Variants in SEMA6D observed in about 807,000 individuals in gnomAD.
The protein encoded by SEMA6D is semaphorin-6D.
Under a neutral mutation model 106.6 loss-of-function variants are expected in SEMA6D, and 35 were observed. That is an observed-to-expected ratio of 0.33 (90% CI 0.25 to 0.44). The LOEUF is 0.44. Ranked by LOEUF, SEMA6D falls within the 20% of genes least tolerant of loss-of-function variation. SEMA6D has a pLI of 1.00. For missense variants in SEMA6D, 1,185 were observed against 1,345.9 expected, an observed-to-expected ratio of 0.88 and a Z score of 1.87; for synonymous variants, 499 against 487.7, an observed-to-expected ratio of 1.02 and a Z score of -0.31.
At chr15:47,212,989 C>T (rs915191327) in intron 1 of SEMA6D, among the ~76,000 whole-genome samples, 3 of 152,194 alleles carry the variant, frequency 2.0e-5, no homozygotes, top group African/African-American at 7.2e-5. Context: ...TATATTCTTC[C>T]TTTCCCTCCT....
intron 2 of SEMA6D, among the ~76,000 whole-genome samples, chr15:47,465,232 A>T (rs533590796): frequency 6.6e-6 from 1 of 152,314 alleles, no homozygotes; most frequent in East Asian, 1.9e-4. Context: ...AATGTGTAAG[A>T]AATATTGAAA....
rs1400632848 is a variant in SEMA6D, at chr15:47,561,411, TAA to T, written c.-86-39452_-86-39451del. ...CCATCCTTCAAAAATGAAGGTGAAA[TAA>T]AGACATTTCTAGATAAACAAAGACT... On this transcript the variant is annotated intron_variant, in intron 3 of 19. Coordinates refer to the SEMA6D transcript ENST00000558014. 2.6e-5 allele frequency among the ~76,000 whole-genome samples: 4 copies of T among 151,898 alleles called. No individual in the cohort carries two copies. The East Asian group carries it at 7.7e-4, about 29-fold the overall frequency.
intron 3 of SEMA6D, among the ~76,000 whole-genome samples, chr15:47,524,835 C>G (rs955857963): frequency 6.6e-6 from 1 of 152,138 alleles, no homozygotes; most frequent in Non-Finnish European, 1.5e-5. Flanking sequence ...TGTTAGGGCC[C>G]TTCCTGAGAC....
intron 1 of SEMA6D, among the ~76,000 whole-genome samples, chr15:47,199,536 T>C (rs1894578386): frequency 6.6e-6 from 1 of 152,204 alleles, no homozygotes; most frequent in Admixed American, 6.6e-5. Context: ...TAAGTGGATA[T>C]GTACATGGGT....
At chr15:47,665,903 T>A (rs2078016937) in intron 4 of SEMA6D, among the ~76,000 whole-genome samples, 1 of 152,214 alleles carries the variant, frequency 6.6e-6, no homozygotes, top group Non-Finnish European at 1.5e-5. Flanking sequence ...TTTTTGCAGA[T>A]GAAGAAACAA....
rs570455442 is a variant in SEMA6D at position 47,283,297 on chromosome 15, T to A, written c.-239+98879T>A. ...GCGTACATGTGTGTGTATATGTTTT[T>A]TCACTCGAGCACATGCCCTATCCTG... On this transcript the variant is annotated intron_variant, in intron 1 of 19. Transcript: ENST00000558014. 2.5e-4 allele frequency among the ~76,000 whole-genome samples: 38 copies of A among 152,188 alleles called. 1 individual carries two copies. Among genetic ancestry groups the A allele is most frequent in the Admixed American group, 5.9e-4 (9 of 15,278 alleles).
At chr15:47,343,421 A>T (rs2037909640) in intron 1 of SEMA6D, among the ~76,000 whole-genome samples, 1 of 143,432 alleles carries the variant, frequency 7.0e-6, no homozygotes, top group Non-Finnish European at 1.5e-5. Flanking sequence ...CCCACCCCAC[A>T]ACAGTCCCCA....
At position 47,566,476 on chromosome 15, in the gene SEMA6D, T is replaced by C. The variant is rs117021962; in HGVS notation, c.-86-34389T>C. Reference sequence around the variant, plus strand: ...AACTGCAAAATGTGCATGCATCAGGTATTCAGAGCCCAAGGAGAGTTCCCA... The same window carrying C: ...AACTGCAAAATGTGCATGCATCAGGCATTCAGAGCCCAAGGAGAGTTCCCA... On this transcript the variant is annotated intron_variant, in intron 3 of 19. Transcript: ENST00000558014. Among the ~76,000 whole-genome samples the C allele has an allele frequency of 9.9e-3, 1,515 of 152,290 alleles. 10 individuals are homozygous for C. Among genetic ancestry groups the C allele is most frequent in the Admixed American group, 0.021 (319 of 15,306 alleles).
intron 1 of SEMA6D, among the ~76,000 whole-genome samples, chr15:47,355,207 A>C (rs1042716097): frequency 3.9e-5 from 6 of 152,202 alleles, no homozygotes; most frequent in African/African-American, 1.4e-4. Flanking sequence ...TAATGAATGA[A>C]TGATTCCAAA....
At chr15:47,460,582 A>G (rs1208028780) in intron 2 of SEMA6D, among the ~76,000 whole-genome samples, 1 of 152,136 alleles carries the variant, frequency 6.6e-6, no homozygotes. Context: ...ACAGCTGGAA[A>G]TCAGTGATTC....
intron 1 of SEMA6D, among the ~76,000 whole-genome samples, chr15:47,188,845 T>C (rs574984459): frequency 6.6e-6 from 1 of 152,288 alleles, no homozygotes; most frequent in African/African-American, 2.4e-5. Context: ...GGAGGCAAGA[T>C]TTCTGATCTA....
At chr15:47,488,351 T>C (rs1279113036) in intron 3 of SEMA6D, among the ~76,000 whole-genome samples, 3 of 152,186 alleles carry the variant, frequency 2.0e-5, no homozygotes, top group African/African-American at 7.2e-5. Flanking sequence ...TAGACATGTC[T>C]GGTTTTAGTC....
chr15:47,754,234 A>G (rs1331215560), intron 1 of SEMA6D, among the ~76,000 whole-genome samples: 2 of 152,190 alleles, frequency 1.3e-5, no homozygotes, highest in Non-Finnish European at 2.9e-5. Flanking sequence ...TCTACTAAAA[A>G]TACAAAATAA....
chr15:47,433,713 G>T (rs1240446390), intron 2 of SEMA6D, among the ~76,000 whole-genome samples: 1 of 152,076 alleles, frequency 6.6e-6, no homozygotes, highest in Non-Finnish European at 1.5e-5. Context: ...CAGAGTATGG[G>T]AGATACCTGA....
intron 3 of SEMA6D, among the ~76,000 whole-genome samples, chr15:47,582,951 A>G (rs1050527864): frequency 1.3e-5 from 2 of 151,960 alleles, no homozygotes; most frequent in African/African-American, 2.4e-5. Context: ...CAAGCCCTCC[A>G]CTCCCACAGG....
intron 4 of SEMA6D, among the ~76,000 whole-genome samples, chr15:47,627,724 A>G (rs1351421828): frequency 6.6e-6 from 1 of 152,156 alleles, no homozygotes; most frequent in African/African-American, 2.4e-5. Context: ...CTTTAATAAT[A>G]TCTTACAAAA....
chr15:47,746,529 A>G (rs1207301270), intron 1 of SEMA6D, among the ~76,000 whole-genome samples: 1 of 152,224 alleles, frequency 6.6e-6, no homozygotes, highest in Admixed American at 6.5e-5. Flanking sequence ...CATGGAGTAC[A>G]TTGAAAGCTA....
chr15:47,356,568 C>T (rs917079617), intron 1 of SEMA6D, among the ~76,000 whole-genome samples: 4 of 79,624 alleles, frequency 5.0e-5, no homozygotes, highest in East Asian at 2.8e-4. Context: ...GAAGAGAGAG[C>T]GAAAAAAAAA....
At chr15:47,763,151 A>G in intron 9 of SEMA6D, 47 bp downstream of exon 9, 1 of 1,422,888 alleles carries the variant, frequency 7.0e-7, no homozygotes, top group Non-Finnish European at 9.8e-7. Flanking sequence ...ACTGCATGAA[A>G]TTGAGACCAC....
Sources: gnomAD v4.1 joint callset for allele counts (sites outside exome capture counted in the v4.1 genomes callset) on GRCh38, gnomAD v4.1.1 for gene constraint, MANE v1.5 for transcripts, NCBI Gene and HGNC (gene_info 2026-07-23, HGNC 2026-07-21) for gene names.